Variants in MAD1L1 observed in about 807,000 individuals in gnomAD.
The protein encoded by MAD1L1 is mitotic spindle assembly checkpoint protein MAD1.
MAD1L1 carries 95 observed loss-of-function variants against 96.9 expected under a neutral mutation model. That is an observed-to-expected ratio of 0.98 (90% CI 0.83 to 1.16). The LOEUF (loss-of-function observed/expected upper bound fraction) is 1.16, where lower values mean the gene tolerates loss of function less well. Among genes scored for constraint, MAD1L1 ranks in the 50% most tolerant of loss-of-function variants. MAD1L1 has a pLI of 0.00. For missense variants in MAD1L1, 1,007 were observed against 954.4 expected, an observed-to-expected ratio of 1.06 and a Z score of -0.73; for synonymous variants, 473 against 396.6, an observed-to-expected ratio of 1.19 and a Z score of -2.29.
intron 13 of MAD1L1, among the ~76,000 whole-genome samples, chr7:2,004,844 G>A (rs947497276): frequency 1.3e-5 from 2 of 152,312 alleles, no homozygotes; most frequent in African/African-American, 2.4e-5. Flanking sequence ...CACTTCCATC[G>A]ATGGCTGGAA....
chr7:1,863,165 G>C (rs976870813), intron 18 of MAD1L1, among the ~76,000 whole-genome samples: 1 of 152,282 alleles, frequency 6.6e-6, no homozygotes, highest in East Asian at 1.9e-4. Flanking sequence ...CGCACGAGGA[G>C]GCCGCCTCAG....
chr7:2,168,500 C>T (rs1039919098), intron 10 of MAD1L1, among the ~76,000 whole-genome samples: 1 of 152,230 alleles, frequency 6.6e-6, no homozygotes, highest in Non-Finnish European at 1.5e-5. Context: ...CAGGCCTGGG[C>T]TGTGGCCCCA....
intron 12 of MAD1L1, among the ~76,000 whole-genome samples, chr7:2,025,484 T>C (rs1782957677): frequency 6.6e-6 from 1 of 152,222 alleles, no homozygotes; most frequent in African/African-American, 2.4e-5. Context: ...GTGAATTAAA[T>C]ATGTTCCGGA....
intron 5 of MAD1L1, among the ~76,000 whole-genome samples, chr7:2,221,219 C>T (rs552047117): frequency 6.6e-5 from 10 of 152,286 alleles, no homozygotes; most frequent in South Asian, 4.1e-4. Flanking sequence ...ATGAAGTGCT[C>T]GGCACGACTC....
chr7:2,099,316 G>A (rs914087096), intron 11 of MAD1L1, among the ~76,000 whole-genome samples: 1 of 152,220 alleles, frequency 6.6e-6, no homozygotes, highest in Admixed American at 6.5e-5. Flanking sequence ...CAGGTCAGGT[G>A]CTCGCTCTGT....
At chr7:1,947,317 C>A (rs575653872) in intron 16 of MAD1L1, among the ~76,000 whole-genome samples, 8 of 152,350 alleles carry the variant, frequency 5.3e-5, no homozygotes, top group African/African-American at 1.4e-4. Flanking sequence ...TCCCCGTGTG[C>A]CTGACGCGCA....
chr7:1,824,966 T>A (rs927402501), intron 18 of MAD1L1, among the ~76,000 whole-genome samples: 7 of 150,920 alleles, frequency 4.6e-5, no homozygotes, highest in African/African-American at 1.5e-4. Context: ...CGACACACAC[T>A]CTCACACCCA....
At chr7:1,862,307 C>A (rs976152080) in intron 18 of MAD1L1, among the ~76,000 whole-genome samples, 2 of 152,248 alleles carry the variant, frequency 1.3e-5, no homozygotes, top group African/African-American at 2.4e-5. Flanking sequence ...CCAGATGTTG[C>A]CACGGGTCCC....
intron 11 of MAD1L1, among the ~76,000 whole-genome samples, chr7:2,120,061 G>A (rs954380556): frequency 1.1e-4 from 17 of 152,166 alleles, no homozygotes; most frequent in African/African-American, 4.1e-4. Context: ...GGACCAGGTG[G>A]CACCTGCCTT....
At chr7:2,064,173 C>T (rs932182442) in intron 12 of MAD1L1, among the ~76,000 whole-genome samples, 16 of 152,164 alleles carry the variant, frequency 1.1e-4, no homozygotes, top group African/African-American at 3.9e-4. Context: ...ACACAGGAGC[C>T]CAGCCTCAGG....
chr7:1,893,227 C>T (rs1319628750), intron 18 of MAD1L1, among the ~76,000 whole-genome samples: 1 of 152,192 alleles, frequency 6.6e-6, no homozygotes, highest in African/African-American at 2.4e-5. Context: ...TCCCTCCACC[C>T]ACGCGGCAAC....
rs540567855 is a variant in MAD1L1 at position 1,853,372 on chromosome 7, G to A, written c.1999-37144C>T. Among the ~76,000 whole-genome samples the A allele has an allele frequency of 3.9e-5, 6 of 152,306 alleles. No homozygotes were observed. The South Asian group carries it at 8.3e-4, about 21-fold the overall frequency. On this transcript the variant is annotated intron_variant, in intron 18 of 18. Transcript: ENST00000265854. ...GTAGCCCGGTCCCTCTGGAAAGAGC[G>A]GAGGTGGAGGGGCCTGGCAGGGAGG...
intron 18 of MAD1L1, among the ~76,000 whole-genome samples, chr7:1,854,953 C>T (rs973495103): frequency 1.2e-4 from 18 of 152,356 alleles, no homozygotes; most frequent in African/African-American, 4.1e-4. Flanking sequence ...TGGCTCCATG[C>T]TCCACCTCTC....
At chr7:2,216,441 T>C (rs1007536646) in intron 7 of MAD1L1, among the ~76,000 whole-genome samples, 154 bp from the exon 8 acceptor site, 2 of 151,928 alleles carry the variant, frequency 1.3e-5, no homozygotes, top group Non-Finnish European at 2.9e-5. Context: ...AAGGAAGGGG[T>C]TGTCAAGGGC....
At chr7:1,820,942 G>C (rs1009564252) in intron 18 of MAD1L1, among the ~76,000 whole-genome samples, 5 of 151,862 alleles carry the variant, frequency 3.3e-5, no homozygotes, top group African/African-American at 1.2e-4. Context: ...TTAGCCGGGT[G>C]TGGTGGCGGG....
intron 17 of MAD1L1, among the ~76,000 whole-genome samples, chr7:1,923,638 G>C (rs927993936): frequency 3.3e-5 from 5 of 152,282 alleles, no homozygotes; most frequent in African/African-American, 1.2e-4. Flanking sequence ...GCTGTGGCTG[G>C]CGTTGGCCGT....
chr7:2,157,310 G>C (rs1479414261), intron 10 of MAD1L1, among the ~76,000 whole-genome samples: 1 of 152,178 alleles, frequency 6.6e-6, no homozygotes, highest in Admixed American at 6.5e-5. Flanking sequence ...TCAGGAAGCG[G>C]TAATGATGGA....
intron 18 of MAD1L1, among the ~76,000 whole-genome samples, chr7:1,893,174 G>T (rs1786653441): frequency 6.6e-6 from 1 of 152,202 alleles, no homozygotes. Flanking sequence ...CTGGAGCTGA[G>T]ATTTGCCTGC....
chr7:1,910,671 G>A (rs1042555189), intron 17 of MAD1L1, among the ~76,000 whole-genome samples: 7 of 152,242 alleles, frequency 4.6e-5, no homozygotes, highest in African/African-American at 1.4e-4. Context: ...GTGTTTGCCC[G>A]TGTCCTGGCC....
Sources: gnomAD v4.1 joint callset for allele counts (sites outside exome capture counted in the v4.1 genomes callset) on GRCh38, gnomAD v4.1.1 for gene constraint, MANE v1.5 for transcripts, NCBI Gene and HGNC (gene_info 2026-07-23, HGNC 2026-07-21) for gene names.